Variants in ANXA10 observed in about 807,000 individuals in gnomAD.
ANXA10 encodes annexin A10.
Under a neutral mutation model 53.5 loss-of-function variants are expected in ANXA10, and 49 were observed. That is an observed-to-expected ratio of 0.92 (90% CI 0.73 to 1.16). ANXA10 has a LOEUF of 1.16. Ranked by LOEUF, ANXA10 falls within the 50% of genes most tolerant of loss-of-function variation. ANXA10 has a pLI of 0.00. For missense variants in ANXA10, 393 were observed against 394.4 expected, an observed-to-expected ratio of 1.00 and a Z score of 0.03; for synonymous variants, 131 against 128.9, an observed-to-expected ratio of 1.02 and a Z score of -0.11.
chr4:168,162,705 A>G, intron 4 of ANXA10, 64 bp downstream of exon 4: 1 of 1,274,658 alleles, frequency 7.8e-7, no homozygotes, highest in East Asian at 2.3e-5. Flanking sequence ...TAGAGGGGAA[A>G]CTGCCCTGTG....
chr4:168,165,236 T>C lies in ANXA10; in HGVS notation c.401-11T>C. Reference sequence around the variant, plus strand: ...TAATAAATCATACCTTTAACATGTTTTCTTATACAGAATACAGCAATAACC... The same window carrying C: ...TAATAAATCATACCTTTAACATGTTCTCTTATACAGAATACAGCAATAACC... On this transcript the variant is annotated splice_polypyrimidine_tract_variant and intron_variant, in intron 5 of 11. Transcript: ENST00000359299. 4 of 1,523,862 alleles carry C rather than the reference T, an allele frequency of 2.6e-6. No homozygotes were observed. In the South Asian group the frequency reaches 3.6e-5, roughly 14 times the overall value. 94.4% of individuals were successfully genotyped at this position (1,523,862 alleles called of 1,614,324 possible).
At chr4:168,139,635 C>A in intron 3 of ANXA10, 55 bp downstream of exon 3, 1 of 1,351,434 alleles carries the variant, frequency 7.4e-7, no homozygotes, top group Non-Finnish European at 1.0e-6. Flanking sequence ...GAACTAACCA[C>A]ACTCACGGAT....
chr4:168,103,151 C>T (rs559347582), intron 1 of ANXA10, among the ~76,000 whole-genome samples: 1 of 151,890 alleles, frequency 6.6e-6, no homozygotes, highest in Non-Finnish European at 1.5e-5. Flanking sequence ...TGCTTTTCAC[C>T]AAGCAAAAGT....
At chr4:168,093,637 A>G (rs962451593) in intron 1 of ANXA10, among the ~76,000 whole-genome samples, 29 of 152,294 alleles carry the variant, frequency 1.9e-4, no homozygotes, top group Non-Finnish European at 3.2e-4. Flanking sequence ...AGATCGCGCC[A>G]CTGCACTCCA....
intron 1 of ANXA10, among the ~76,000 whole-genome samples, chr4:168,114,819 A>G (rs1730866556): frequency 6.6e-6 from 1 of 152,080 alleles, no homozygotes; most frequent in Non-Finnish European, 1.5e-5. Context: ...CGAAGACACG[A>G]TCTCATTTAT....
chr4:168,179,354 C>A, intron 9 of ANXA10, 42 bp downstream of exon 9: 1 of 1,371,244 alleles, frequency 7.3e-7, no homozygotes, highest in Non-Finnish European at 1.0e-6. Context: ...CATTTTATTT[C>A]TCTATAAATG....
intron 1 of ANXA10, among the ~76,000 whole-genome samples, chr4:168,095,571 T>C (rs1730528720): frequency 6.6e-6 from 1 of 152,122 alleles, no homozygotes. Flanking sequence ...TAATTTAATC[T>C]TCACAGCAAA....
intron 1 of ANXA10, among the ~76,000 whole-genome samples, chr4:168,107,211 T>C (rs547072322): frequency 9.2e-5 from 14 of 152,160 alleles, no homozygotes; most frequent in Non-Finnish European, 1.8e-4. Flanking sequence ...GTTAAATAAT[T>C]CTTTGAGGAT....
chr4:168,186,155 T>C (rs1358416607), intron 11 of ANXA10, among the ~76,000 whole-genome samples: 2 of 152,224 alleles, frequency 1.3e-5, no homozygotes, highest in East Asian at 3.8e-4. Flanking sequence ...CTATGTACAT[T>C]TAAAGTACTG....
intron 1 of ANXA10, among the ~76,000 whole-genome samples, chr4:168,096,343 A>G (rs889973380): frequency 2.6e-5 from 4 of 152,192 alleles, no homozygotes; most frequent in African/African-American, 9.6e-5. Context: ...TCACAAGACT[A>G]CATTGTCTGA....
intron 1 of ANXA10, among the ~76,000 whole-genome samples, chr4:168,127,496 C>T (rs932729027): frequency 1.3e-5 from 2 of 152,020 alleles, no homozygotes; most frequent in Admixed American, 6.6e-5. Context: ...CGAATCCCAC[C>T]AATATGGTAC....
intron 1 of ANXA10, among the ~76,000 whole-genome samples, chr4:168,108,059 C>A (rs1404021857): frequency 6.6e-6 from 1 of 152,060 alleles, no homozygotes; most frequent in Non-Finnish European, 1.5e-5. Flanking sequence ...AGGGTAACTT[C>A]TTGATGTTGC....
chr4:168,128,772 C>A (rs1731113287), intron 2 of ANXA10, among the ~76,000 whole-genome samples: 1 of 152,046 alleles, frequency 6.6e-6, no homozygotes. Context: ...CTACCTCTCA[C>A]TCCCCTAATC....
rs759918855 is a variant in ANXA10, at chr4:168,128,075, T to G, written c.19-9T>G. 1 of 1,608,966 alleles carries G rather than the reference T, an allele frequency of 6.2e-7. No individual in the cohort carries two copies. Among genetic ancestry groups the G allele is most frequent in the Non-Finnish European group, 8.5e-7 (1 of 1,175,778 alleles). On this transcript the variant is annotated splice_polypyrimidine_tract_variant and intron_variant, in intron 1 of 11. Transcript: ENST00000359299. ...ATTACAATCACTTTCTCATTGATTT[T>G]CCCACCAGGTGCAAGGAACCATCTT...
chr4:168,094,250 A>C lies in ANXA10; in HGVS notation c.18+1532A>C, dbSNP rs565073345. Among the ~76,000 whole-genome samples, 136 of 152,308 alleles carry C rather than the reference A, an allele frequency of 8.9e-4. 1 individual carries two copies. The highest frequency in any genetic ancestry group is 3.1e-3 in the African/African-American group (130 of 41,574). On this transcript the variant is annotated intron_variant, in intron 1 of 11. Transcript: ENST00000359299. ...CAATTATTTGCTATGCTTCTGAAGC[A>C]AATAAAGAAAACTGAAGATTAAAGA...
At chr4:168,125,113 T>C (rs1206167738) in intron 1 of ANXA10, among the ~76,000 whole-genome samples, 11 of 152,218 alleles carry the variant, frequency 7.2e-5, no homozygotes, top group Admixed American at 7.2e-4. Flanking sequence ...GGAAGAACTC[T>C]TGGGAGACAT....
chr4:168,175,005 G>A (rs972653386), intron 6 of ANXA10, among the ~76,000 whole-genome samples: 1 of 152,062 alleles, frequency 6.6e-6, no homozygotes, highest in African/African-American at 2.4e-5. Flanking sequence ...AATATAGATG[G>A]AATTTAAAGC....
intron 3 of ANXA10, among the ~76,000 whole-genome samples, chr4:168,153,432 A>AC (rs1293241426): frequency 6.6e-5 from 4 of 60,154 alleles, no homozygotes; most frequent in African/African-American, 1.8e-4. Flanking sequence ...CAAAAAAAAA[A>AC]AAAAAAAAAC....
intron 1 of ANXA10, among the ~76,000 whole-genome samples, chr4:168,113,564 T>G (rs1383048596): frequency 1.3e-5 from 2 of 152,254 alleles, no homozygotes; most frequent in Non-Finnish European, 2.9e-5. Flanking sequence ...GTGGAGGAAC[T>G]CCTTTCATCA....
Sources: allele counts gnomAD v4.1 joint callset (sites outside exome capture counted in the v4.1 genomes callset), GRCh38; gene constraint gnomAD v4.1.1; transcripts MANE v1.5; gene names NCBI Gene and HGNC (gene_info 2026-07-23, HGNC 2026-07-21).